Variants in SYNM observed in about 807,000 individuals in gnomAD.
The protein encoded by SYNM is desmuslin.
Under a neutral mutation model 104.0 loss-of-function variants are expected in SYNM, and 95 were observed. The observed-to-expected ratio is 0.91, with a 90% CI of 0.77 to 1.08. SYNM has a LOEUF of 1.08. Ranked by LOEUF, SYNM falls within the 50% of genes least tolerant of loss-of-function variation. The pLI, the probability that SYNM is intolerant of heterozygous loss-of-function variation, is 0.00. For missense variants in SYNM, 2,150 were observed against 2,052.2 expected (o/e 1.05, Z -0.92); for synonymous variants, 918 against 869.0 (o/e 1.06, Z -0.99).
chr15:99,122,225 T>C (rs1361389521), intron 2 of SYNM, among the ~76,000 whole-genome samples: 6 of 152,208 alleles, frequency 3.9e-5, no homozygotes, highest in African/African-American at 1.4e-4. Flanking sequence ...AGCAGCGTGT[T>C]TTAATGGAGA....
intron 1 of SYNM, among the ~76,000 whole-genome samples, chr15:99,108,704 G>A (rs923409222): frequency 1.3e-5 from 2 of 152,178 alleles, no homozygotes; most frequent in Admixed American, 1.3e-4. Flanking sequence ...GGAGGAAGCT[G>A]AGGCACATAA....
intron 2 of SYNM, among the ~76,000 whole-genome samples, chr15:99,122,443 T>C (rs1225604005): frequency 1.3e-5 from 2 of 152,240 alleles, no homozygotes; most frequent in Non-Finnish European, 2.9e-5. Context: ...TTTTTTAAGT[T>C]AGTTCCCACC....
chr15:99,139,758 A>G (rs183517945), downstream of SYNM: 6 of 1,313,354 alleles, frequency 4.6e-6, no homozygotes, highest in Middle Eastern at 7.4e-4. Context: ...GAAAAGATTT[A>G]AAAAAATAGT....
downstream of SYNM, chr15:99,138,095 G>A (rs1387564907): frequency 1.2e-6 from 2 of 1,613,138 alleles, no homozygotes; most frequent in Admixed American, 1.7e-5. Flanking sequence ...GGCTTTTGAT[G>A]CCTGCCTTGG....
Position 99,129,766 on chromosome 15 carries a change from G to A in SYNM, c.1406G>A (p.Arg469His). The change falls in exon 4 of 4, where the codon CGC becomes CAC. Residue 469 changes from arginine (R) to histidine (H), a missense_variant. By Grantham distance (29) the Arg-to-His change is conservative (BLOSUM62 0). Coordinates refer to ENST00000336292, the MANE Select transcript of SYNM (RefSeq NM_145728.3). ...ATAGGTGAAGATTCCACAATTGCCC[G>A]CGAGTCGTACCGGGATCGCCGAGAC... ...VYIGEDSTIA[R>H]ESYRDRRDKV... 2 of 1,613,560 alleles carry A rather than the reference G, an allele frequency of 1.2e-6. No individual in the cohort carries two copies. The highest frequency in any genetic ancestry group is 1.7e-6 in the Non-Finnish European group (2 of 1,179,834).
intron 1 of SYNM, among the ~76,000 whole-genome samples, chr15:99,107,914 C>A (rs1555482978): frequency 6.7e-6 from 1 of 149,444 alleles, no homozygotes; most frequent in South Asian, 2.1e-4. Flanking sequence ...AGGAAAATGT[C>A]AATAAGGACC....
intron 2 of SYNM, among the ~76,000 whole-genome samples, chr15:99,117,723 TCCGGGGC>T: frequency 6.7e-6 from 1 of 149,164 alleles, no homozygotes; most frequent in Non-Finnish European, 1.5e-5. Flanking sequence ...TGCCTCAGAG[TCCGGGGC>T]CTGCCTTTTT....
At chr15:99,106,129 G>T (rs1217335900) in intron 1 of SYNM, 120 bp downstream of exon 1, 21 of 1,134,968 alleles carry the variant, frequency 1.9e-5, no homozygotes, top group Admixed American at 4.1e-5. Context: ...GACCGGTAGG[G>T]CCCGCCCAGA....
At chr15:99,129,275 A>AT in intron 3 of SYNM, 92 bp from the exon 4 acceptor site, 9 of 1,502,352 alleles carry the variant, frequency 6.0e-6, no homozygotes, top group Non-Finnish European at 8.0e-6. Context: ...ATTTATTATG[A>AT]TGGAATGGGA....
Position 99,105,838 on chromosome 15 carries a change from G to C in SYNM, c.639G>C (p.Leu213=). ...AGGTGCGCGAGCTGGAGGAGGCGCTGCGGCGCGGCCAGGAGAGCAGACTCC... is the reference window on the plus strand; with the variant it reads ...AGGTGCGCGAGCTGGAGGAGGCGCTCCGGCGCGGCCAGGAGAGCAGACTCC... ...EDEVRELEEA[L]RRGQESRLQA... The change falls in exon 1 of 4, where the codon CTG becomes CTC. Residue 213 remains leucine, a synonymous_variant. Transcript: ENST00000336292. 2 of 1,542,744 alleles carry C rather than the reference G, an allele frequency of 1.3e-6. No individual in the cohort carries two copies. The highest frequency in any genetic ancestry group is 1.7e-6 in the Non-Finnish European group (2 of 1,146,068).
downstream of SYNM, chr15:99,136,194 A>G (rs2067583799): frequency 6.9e-6 from 1 of 144,684 alleles, no homozygotes; most frequent in South Asian, 2.4e-4. Flanking sequence ...CAGATGGGAG[A>G]CATTGGAGGG....
intron 3 of SYNM, chr15:99,129,042 C>A: frequency 4.3e-6 from 1 of 230,750 alleles, no homozygotes; most frequent in African/African-American, 2.3e-5. Flanking sequence ...AAATTTCAGC[C>A]ACAAAAACGA....
downstream of SYNM, chr15:99,137,286 T>C (rs1596149047): frequency 6.6e-6 from 1 of 152,346 alleles, no homozygotes; most frequent in Non-Finnish European, 1.5e-5. Flanking sequence ...CAGCTCCAGG[T>C]GGCATCCAGG....
At position 99,105,928 on chromosome 15, in the gene SYNM, G is replaced by C. The variant is rs762712860; in HGVS notation, c.729G>C (p.Gly243=). ...AGGCGCTGCGGCGCGAGGCGCTCGG[G>C]TTGGAGCAGCTGCGCGCGCGGCTGG... The part of the protein sequence containing the change: ...EAEALRREAL[G]LEQLRARLED... Residue 243 remains glycine, a synonymous_variant, in exon 1 of 4, where the codon GGG becomes GGC. Coordinates refer to ENST00000336292, the MANE Select transcript of SYNM (RefSeq NM_145728.3). 3.9e-6 allele frequency: 6 copies of C among 1,529,998 alleles called. No homozygotes were observed. In the African/African-American group the frequency reaches 5.6e-5, roughly 14 times the overall value. 94.8% of individuals were successfully genotyped at this position (1,529,998 alleles called of 1,614,324 possible).
chr15:99,139,826 C>A (rs1188768291), downstream of SYNM: 1 of 1,066,300 alleles, frequency 9.4e-7, no homozygotes, highest in Non-Finnish European at 1.3e-6. Flanking sequence ...TGTCTATACT[C>A]TTGACTACAC....
rs781892663 is a variant in SYNM, at chr15:99,132,376, C to T, written c.4016C>T (p.Ser1339Leu). The change falls in exon 4 of 4, where the codon TCA (serine) becomes TTA (leucine). Residue 1339 changes from serine to leucine, a missense_variant. Ser to Leu is a moderately radical substitution (Grantham distance 145). Coordinates refer to ENST00000336292, the MANE Select transcript of SYNM (RefSeq NM_145728.3). Reference protein sequence around the residue: ...LVPQLGESGDSESTVHGEGSA... With the variant: ...LVPQLGESGDLESTVHGEGSA... Reference sequence around the variant, plus strand: ...CCCCAACTGGGGGAATCTGGTGACTCAGAGAGCACTGTGCACGGAGAGGGC... The same window carrying T: ...CCCCAACTGGGGGAATCTGGTGACTTAGAGAGCACTGTGCACGGAGAGGGC... The T allele has an allele frequency of 6.2e-7, 1 of 1,613,976 alleles. No homozygotes were observed. Among genetic ancestry groups the T allele is most frequent in the Non-Finnish European group, 8.5e-7 (1 of 1,179,876 alleles).
chr15:99,133,189 C>A lies in SYNM; in HGVS notation c.*131C>A, dbSNP rs2067532062. 5 of 1,462,222 alleles carry A rather than the reference C, an allele frequency of 3.4e-6. No homozygotes were observed. The highest frequency in any genetic ancestry group is 2.1e-4 in the Middle Eastern group (1 of 4,850). The allele number at this position is 1,462,222 out of a possible 1,614,324, so 90.6% of individuals were successfully genotyped here. The stretch of plus-strand genomic sequence containing the variant: ...TTTTTACTTTTTTAAAGAGTACTCC[C>A]GGCATGGTCAATTTCCTTTATAGTT... On this transcript the variant is annotated 3_prime_UTR_variant, in exon 4 of 4. Coordinates refer to ENST00000336292, the MANE Select transcript of SYNM (RefSeq NM_145728.3).
At chr15:99,139,030 C>T (rs1248030271), downstream of SYNM, 18 of 459,702 alleles carry the variant, frequency 3.9e-5, no homozygotes, top group African/African-American at 1.8e-4. Context: ...CAGGGATTCC[C>T]GGGGCCCTCC....
downstream of SYNM, chr15:99,137,969 C>T (rs782045658): frequency 6.2e-7 from 1 of 1,612,518 alleles, no homozygotes; most frequent in Admixed American, 1.7e-5. Context: ...CCCTAAATGA[C>T]AGTGCCCAGG....
Sources: allele counts gnomAD v4.1 joint callset (sites outside exome capture counted in the v4.1 genomes callset), GRCh38; gene constraint gnomAD v4.1.1; transcripts MANE v1.5; gene names NCBI Gene and HGNC (gene_info 2026-07-23, HGNC 2026-07-21).